Variants in FCHSD2 observed in about 807,000 individuals in gnomAD.
The protein encoded by FCHSD2 is F-BAR and double SH3 domains protein 2.
A neutral mutation model predicts 108.1 loss-of-function variants in FCHSD2; 38 were observed. That is an observed-to-expected ratio of 0.35 (90% CI 0.27 to 0.46). FCHSD2 has a LOEUF of 0.46. FCHSD2 is among the 20% of genes least tolerant of loss of function. The pLI is 1.00. For synonymous variants in FCHSD2, 279 were observed against 314.7 expected (o/e 0.89, Z 1.20); for missense variants, 751 against 897.8 (o/e 0.84, Z 2.09).
chr11:72,851,746 CA>C (rs1442885214), intron 13 of FCHSD2, among the ~76,000 whole-genome samples: 2 of 150,170 alleles, frequency 1.3e-5, no homozygotes, highest in East Asian at 3.9e-4. Flanking sequence ...TGTCTCAAAA[CA>C]AAACAAAAAA....
At chr11:72,872,099 T>C (rs1375924036) in intron 12 of FCHSD2, among the ~76,000 whole-genome samples, 1 of 152,058 alleles carries the variant, frequency 6.6e-6, no homozygotes, top group Non-Finnish European at 1.5e-5. Context: ...TACAATACAA[T>C]GGTTTGGGGT....
At chr11:72,912,713 T>G (rs2135295519) in intron 9 of FCHSD2, among the ~76,000 whole-genome samples, 1 of 152,334 alleles carries the variant, frequency 6.6e-6, no homozygotes, top group East Asian at 1.9e-4. Flanking sequence ...AGTTATTCTT[T>G]AAATGTTTGA....
intron 2 of FCHSD2, among the ~76,000 whole-genome samples, chr11:73,113,886 C>T (rs1468417447): frequency 6.6e-6 from 1 of 152,126 alleles, no homozygotes; most frequent in Non-Finnish European, 1.5e-5. Context: ...CAGAAGAATT[C>T]TCTATATTAC....
At chr11:73,026,007 T>C (rs1858220645) in intron 3 of FCHSD2, among the ~76,000 whole-genome samples, 1 of 151,916 alleles carries the variant, frequency 6.6e-6, no homozygotes, top group Non-Finnish European at 1.5e-5. Context: ...TATGTATGTA[T>C]GTATGTATGT....
intron 8 of FCHSD2, 111 bp from the exon 9 acceptor site, chr11:72,922,061 A>C: frequency 1.5e-6 from 1 of 663,482 alleles, no homozygotes; most frequent in Middle Eastern, 3.6e-4. Flanking sequence ...TATTATTAAT[A>C]ATAAATGGAC....
At chr11:73,128,170 T>G (rs1222400564) in intron 2 of FCHSD2, among the ~76,000 whole-genome samples, 1 of 152,154 alleles carries the variant, frequency 6.6e-6, no homozygotes, top group African/African-American at 2.4e-5. Context: ...CATACTTAAT[T>G]CAAAAGGAAT....
Position 73,141,912 on chromosome 11 carries a change from G to A in FCHSD2, c.-35C>T. On this transcript the variant is annotated 5_prime_UTR_variant, in exon 1 of 20. Transcript: ENST00000409418. ...GGGACATCAATCCTCCCCGACGGCA[G>A]CGTTAGCAAGGACCAGGAGGAGGAG... is the stretch of plus-strand genomic sequence containing the variant. The A allele has an allele frequency of 6.5e-7, 1 of 1,540,408 alleles. No homozygotes were observed. Among genetic ancestry groups the A allele is most frequent in the Non-Finnish European group, 8.7e-7 (1 of 1,144,644 alleles).
intron 3 of FCHSD2, among the ~76,000 whole-genome samples, chr11:73,061,965 G>A (rs1470807147): frequency 6.6e-6 from 1 of 152,152 alleles, no homozygotes; most frequent in African/African-American, 2.4e-5. Context: ...TCTGTGAAGG[G>A]TCAGACTGCC....
chr11:73,077,698 A>G (rs1023954995), intron 3 of FCHSD2: 43 of 381,810 alleles, frequency 1.1e-4, no homozygotes, highest in African/African-American at 8.8e-4. Flanking sequence ...GAAATGAAAT[A>G]CTGATGCACA....
chr11:72,984,523 C>T (rs1269089319), intron 7 of FCHSD2, among the ~76,000 whole-genome samples: 3 of 152,076 alleles, frequency 2.0e-5, no homozygotes, highest in Admixed American at 6.5e-5. Context: ...GAAATAAGTA[C>T]CTTATCTTCA....
At chr11:72,940,446 G>A (rs1856392230) in intron 8 of FCHSD2, 1 of 643,802 alleles carries the variant, frequency 1.6e-6, no homozygotes, top group Admixed American at 2.4e-5. Context: ...GCAATAAATA[G>A]TAAATAAGCT....
chr11:72,929,936 G>A, intron 8 of FCHSD2, among the ~76,000 whole-genome samples: 1 of 152,096 alleles, frequency 6.6e-6, no homozygotes, highest in South Asian at 2.1e-4. Context: ...GAATCAAACT[G>A]AGAAGGGTCT....
At chr11:73,039,863 C>T (rs1033156321) in intron 3 of FCHSD2, among the ~76,000 whole-genome samples, 13 of 151,996 alleles carry the variant, frequency 8.6e-5, no homozygotes, top group South Asian at 2.1e-4. Context: ...TATAGAATAA[C>T]GAATGCAAAT....
At chr11:73,032,472 C>T (rs769355364) in intron 3 of FCHSD2, among the ~76,000 whole-genome samples, 3 of 151,916 alleles carry the variant, frequency 2.0e-5, no homozygotes, top group African/African-American at 4.8e-5. Context: ...GTGATTCTCC[C>T]GACTTGGCAT....
chr11:72,960,997 G>A (rs1856808925), intron 8 of FCHSD2, among the ~76,000 whole-genome samples: 1 of 152,146 alleles, frequency 6.6e-6, no homozygotes, highest in Admixed American at 6.5e-5. Context: ...GCAGAGTAGG[G>A]TAAATAGAAA....
At chr11:73,031,238 G>A (rs1430488403) in intron 3 of FCHSD2, among the ~76,000 whole-genome samples, 1 of 152,138 alleles carries the variant, frequency 6.6e-6, no homozygotes, top group Non-Finnish European at 1.5e-5. Context: ...AGCACTTTAG[G>A]AGGCTGAGGC....
At chr11:72,999,516 C>T (rs1394794245) in intron 5 of FCHSD2, among the ~76,000 whole-genome samples, 1 of 151,856 alleles carries the variant, frequency 6.6e-6, no homozygotes, top group East Asian at 1.9e-4. Flanking sequence ...GATGGGGTTT[C>T]ACCATATTGG....
chr11:72,894,692 C>T (rs1335823068), intron 10 of FCHSD2, among the ~76,000 whole-genome samples: 1 of 152,114 alleles, frequency 6.6e-6, no homozygotes, highest in Non-Finnish European at 1.5e-5. Context: ...TTCACAATCC[C>T]ACAATTCTGA....
At position 72,843,537 on chromosome 11, in the gene FCHSD2, A is replaced by C; in HGVS notation, c.1444-5T>G. On this transcript the variant is annotated splice_region_variant and splice_polypyrimidine_tract_variant and intron_variant, in intron 14 of 19. Transcript: ENST00000409418. ...CAACTCATCTGGTTGAGAAGCCTGC[A>C]GTGTAGGATGGTCATGGACAAAATT... 4 of 1,610,930 alleles carry C rather than the reference A, an allele frequency of 2.5e-6. No individual in the cohort carries two copies. Among genetic ancestry groups the C allele is most frequent in the Non-Finnish European group, 3.4e-6 (4 of 1,177,122 alleles).
Sources: allele counts gnomAD v4.1 joint callset (sites outside exome capture counted in the v4.1 genomes callset), GRCh38; gene constraint gnomAD v4.1.1; transcripts MANE v1.5; gene names NCBI Gene and HGNC (gene_info 2026-07-23, HGNC 2026-07-21).